Variants in PKHD1L1 observed in about 807,000 individuals in gnomAD.
PKHD1L1 encodes the protein fibrocystin-L.
A neutral mutation model predicts 462.9 loss-of-function variants in PKHD1L1; 434 were observed. The observed-to-expected ratio is 0.94, with a 90% CI of 0.87 to 1.02. The LOEUF (loss-of-function observed/expected upper bound fraction) is 1.02. Ranked by LOEUF, PKHD1L1 falls within the 50% of genes least tolerant of loss-of-function variation. The probability of loss-of-function intolerance (pLI) is 0.00; values close to 1 mark genes in which losing one functional copy is unlikely to be tolerated. For synonymous variants in PKHD1L1, 1,781 were observed against 1,750.0 expected (o/e 1.02, Z -0.44); for missense variants, 5,202 against 5,096.1 (o/e 1.02, Z -0.63).
In PKHD1L1 at chr8:109,436,415, G is replaced by A. The variant is rs1008314679; in HGVS notation, c.3583G>A (p.Val1195Met). ...ATTAGTTGGAAATGAAACCTGCAAT[G>A]TGATTGAAGGGGATTTGAATAGGAT... ...KVLVGNETCN[V>M]IEGDLNRITC... Residue 1195 changes from valine (V) to methionine (M), a missense_variant, in exon 30 of 78, where the codon GTG becomes ATG. Around this residue, in one of 3 missense-constraint regions of PKHD1L1, gnomAD observed 4,497 missense variants for 4,336.8 expected, o/e 1.04. Transcript: ENST00000378402. 1.2e-5 allele frequency: 19 copies of A among 1,613,256 alleles called. No homozygotes were observed. Among genetic ancestry groups the A allele is most frequent in the Non-Finnish European group, 1.6e-5 (19 of 1,179,654 alleles).
At chr8:109,400,793 T>C (rs1296427244) in intron 13 of PKHD1L1, among the ~76,000 whole-genome samples, 1 of 152,108 alleles carries the variant, frequency 6.6e-6, no homozygotes, top group Non-Finnish European at 1.5e-5. Flanking sequence ...CTTCTGGTGT[T>C]TTATGACCAC....
At chr8:109,433,279 G>A in intron 28 of PKHD1L1, 63 bp downstream of exon 28, 2 of 1,217,192 alleles carry the variant, frequency 1.6e-6, no homozygotes, top group Non-Finnish European at 1.2e-6. Flanking sequence ...GGAATCAAAG[G>A]GCAGTATTAC....
chr8:109,406,540 A>G (rs1418443224), intron 17 of PKHD1L1, 62 bp downstream of exon 17: 3 of 1,445,416 alleles, frequency 2.1e-6, no homozygotes, highest in East Asian at 5.0e-5. Flanking sequence ...TGCCACTCTA[A>G]AAGTTCCATA....
At chr8:109,402,105 A>T (rs1167043331) in intron 14 of PKHD1L1, among the ~76,000 whole-genome samples, 1 of 152,204 alleles carries the variant, frequency 6.6e-6, no homozygotes, top group Non-Finnish European at 1.5e-5. Context: ...GGAGCCAATG[A>T]GTGGGATTAT....
chr8:109,411,735 T>A (rs1479768653), intron 19 of PKHD1L1, among the ~76,000 whole-genome samples: 1 of 152,184 alleles, frequency 6.6e-6, no homozygotes, highest in Non-Finnish European at 1.5e-5. Flanking sequence ...GACACCTCTT[T>A]TCCATTCCAA....
chr8:109,438,529 A>G (rs1586511523), intron 31 of PKHD1L1, 73 bp downstream of exon 31: 4 of 1,364,612 alleles, frequency 2.9e-6, no homozygotes, highest in East Asian at 5.2e-5. Flanking sequence ...CTTTTGAAGC[A>G]TAGTTTCTTC....
chr8:109,444,687 C>T lies in PKHD1L1; in HGVS notation c.4818C>T (p.Val1606=), dbSNP rs144003851. The part of the protein sequence containing the change: ...NKVTIGSYPC[V]VEESSEDSIT... ...TTACAATTGGTAGCTACCCCTGTGT[C>T]GTAGAAGAAAGTAGTGAGGATTCAA... The change falls in exon 38 of 78, where the codon GTC becomes GTT. Residue 1606 remains valine, a synonymous_variant. Coordinates refer to ENST00000378402, the MANE Select transcript of PKHD1L1 (RefSeq NM_177531.6). 2.3e-4 allele frequency: 369 copies of T among 1,613,512 alleles called. 2 individuals carry two copies. In the East Asian group the frequency reaches 8.0e-3, roughly 35 times the overall value.
intron 57 of PKHD1L1, among the ~76,000 whole-genome samples, chr8:109,484,347 A>T (rs998218501): frequency 7.9e-5 from 12 of 151,914 alleles, no homozygotes; most frequent in Non-Finnish European, 1.8e-4. Context: ...TTGGGGATTT[A>T]GTGGTGAAGA....
chr8:109,377,347 T>C (rs1382007780), intron 2 of PKHD1L1, among the ~76,000 whole-genome samples: 1 of 152,202 alleles, frequency 6.6e-6, no homozygotes, highest in Non-Finnish European at 1.5e-5. Context: ...ATCTCTGGGT[T>C]TACCTTTTTT....
At position 109,445,603 on chromosome 8, in the gene PKHD1L1, C is replaced by G; in HGVS notation, c.5734C>G (p.Leu1912Val). 1.9e-6 allele frequency: 3 copies of G among 1,609,732 alleles called. No homozygotes were observed. The highest frequency in any genetic ancestry group is 2.5e-6 in the Non-Finnish European group (3 of 1,177,324). Residue 1912 changes from leucine (L) to valine (V), a missense_variant, in exon 38 of 78, where the codon CTG becomes GTG. By Grantham distance (32) the Leu-to-Val change is conservative. Transcript: ENST00000378402. Reference protein sequence around the residue: ...AYPPLLFTYALEDTPFLRGII... With the variant: ...AYPPLLFTYAVEDTPFLRGII... ...TCCACCTTTGCTTTTTACATATGCC[C>G]TGGAGGATACTCCATTTCTCAGAGG...
intron 45 of PKHD1L1, among the ~76,000 whole-genome samples, chr8:109,456,024 A>G (rs1027332048): frequency 6.6e-6 from 1 of 152,168 alleles, no homozygotes; most frequent in East Asian, 1.9e-4. Flanking sequence ...AGGGTATATC[A>G]TTGCAGAAGA....
At chr8:109,440,480 C>T (rs1815714971) in intron 32 of PKHD1L1, among the ~76,000 whole-genome samples, 2 of 152,028 alleles carry the variant, frequency 1.3e-5, no homozygotes, top group Admixed American at 1.3e-4. Flanking sequence ...TCAAATTCTT[C>T]TGCCATTAGA....
At chr8:109,519,494 T>C (rs1316927483) in intron 73 of PKHD1L1, among the ~76,000 whole-genome samples, 1 of 152,124 alleles carries the variant, frequency 6.6e-6, no homozygotes, top group Non-Finnish European at 1.5e-5. Context: ...GAGGTACTAC[T>C]GAACTTTCCT....
Position 109,385,722 on chromosome 8 carries a change from A to G in PKHD1L1, c.569+92A>G, listed in dbSNP as rs991660379. ...GGGTCCAATGATATTAAATCCCATT[A>G]CAATGTAATATAACTAACCAGTGTT... is the stretch of plus-strand genomic sequence containing the variant. On this transcript the variant is annotated intron_variant, in intron 6 of 77. Coordinates refer to ENST00000378402, the MANE Select transcript of PKHD1L1 (RefSeq NM_177531.6). The G allele has an allele frequency of 6.4e-6, 5 of 781,110 alleles. No homozygotes were observed. In the African/African-American group the frequency reaches 7.3e-5, roughly 11 times the overall value. The allele number at this position is 781,110 out of a possible 1,614,324, so 48.4% of individuals were successfully genotyped here.
chr8:109,432,523 T>C (rs1815168041), intron 27 of PKHD1L1, among the ~76,000 whole-genome samples: 1 of 152,166 alleles, frequency 6.6e-6, no homozygotes, highest in Non-Finnish European at 1.5e-5. Flanking sequence ...TATCTATCTA[T>C]CTATCCATCT....
chr8:109,510,837 A>G lies in PKHD1L1; in HGVS notation c.11456A>G (p.His3819Arg). ...TGCCAGAGAAGGCTGTCCCTGTTTCACAGCATTGTGGCTCTGAACAAATCT... is the reference window on the plus strand; with the variant it reads ...TGCCAGAGAAGGCTGTCCCTGTTTCGCAGCATTGTGGCTCTGAACAAATCT... The part of the protein sequence containing the change: ...YTCQRRLSLF[H>R]SIVALNKSYE... The change falls in exon 71 of 78, where the codon CAC becomes CGC. Residue 3819 changes from histidine (H) to arginine (R), a missense_variant. Physicochemically the swap from His to Arg is conservative, Grantham distance 29. Transcript: ENST00000378402. 6.2e-7 allele frequency: 1 copy of G among 1,613,340 alleles called. No individual in the cohort carries two copies. The highest frequency in any genetic ancestry group is 8.5e-7 in the Non-Finnish European group (1 of 1,179,498).
intron 50 of PKHD1L1, among the ~76,000 whole-genome samples, chr8:109,473,188 TC>T (rs1043110472): frequency 6.6e-6 from 1 of 152,052 alleles, no homozygotes; most frequent in African/African-American, 2.4e-5. Context: ...TTAAGAAATG[TC>T]AGGTTAAATG....
chr8:109,384,365 C>T (rs1351039001), intron 5 of PKHD1L1, among the ~76,000 whole-genome samples: 2 of 151,700 alleles, frequency 1.3e-5, no homozygotes, highest in Non-Finnish European at 2.9e-5. Flanking sequence ...ATCATGAGAC[C>T]CTCTCTCTAA....
chr8:109,388,977 C>A, intron 7 of PKHD1L1, 102 bp from the exon 8 acceptor site: 2 of 775,372 alleles, frequency 2.6e-6, no homozygotes, highest in Non-Finnish European at 2.0e-6. Context: ...AATTTCTGTC[C>A]TGATTCATAT....
Sources: gnomAD v4.1 joint callset for allele counts (sites outside exome capture counted in the v4.1 genomes callset) on GRCh38, gnomAD v4.1.1 for gene constraint, gnomAD v4.1.1 regional missense constraint, MANE v1.5 for transcripts, NCBI Gene and HGNC (gene_info 2026-07-23, HGNC 2026-07-21) for gene names.